The following EVC variants were observed in gnomAD, a reference collection of about 807,000 sequenced individuals.
EVC encodes the protein EvC ciliary complex subunit 1.
In EVC, 116 loss-of-function variants were observed where a neutral mutation model predicts 118.9. That is an observed-to-expected ratio of 0.98 (90% confidence interval 0.84 to 1.14). The LOEUF (loss-of-function observed/expected upper bound fraction) is 1.14. Ranked by LOEUF, EVC falls within the 50% of genes most tolerant of loss-of-function variation. EVC has a pLI of 0.00. For missense variants in EVC, 1,401 were observed against 1,246.4 expected (o/e 1.12, Z -1.87); for synonymous variants, 619 against 534.7 (o/e 1.16, Z -2.18).
At position 5,766,300 on chromosome 4, in the gene EVC, T is replaced by A. The variant is rs1432600191; in HGVS notation, c.1563+9938T>A. On this transcript the variant is annotated intron_variant, in intron 11 of 20. Transcript: ENST00000264956. ...TGTTAGTCTGATGGGCTTCCCTTTG[T>A]GGGTAACCCGACCTTTCTCTCTGGC... 3.3e-5 allele frequency among the ~76,000 whole-genome samples: 5 copies of A among 151,646 alleles called. 1 individual carries two copies. Among genetic ancestry groups the A allele is most frequent in the South Asian group, 2.1e-4 (1 of 4,776 alleles).
downstream of EVC, among the ~76,000 whole-genome samples, chr4:5,817,076 G>A (rs370217396): frequency 4.3e-4 from 66 of 152,340 alleles, no homozygotes; most frequent in Middle Eastern, 3.4e-3. Context: ...TCACAGGGCC[G>A]CCTGGCCCAG....
At chr4:5,822,110 G>A in the EVC span, among the ~76,000 whole-genome samples, 6 of 152,230 alleles carry the variant, frequency 3.9e-5, no homozygotes, top group African/African-American at 1.4e-4. Context: ...AGTAAAATCC[G>A]ACATTCCTGA....
chr4:5,777,266 A>G (rs564942685), intron 11 of EVC, among the ~76,000 whole-genome samples: 2 of 152,302 alleles, frequency 1.3e-5, no homozygotes, highest in South Asian at 4.1e-4. Context: ...GGCAATCTAA[A>G]TAACTTGACT....
At chr4:5,823,941 C>T in the EVC span, among the ~76,000 whole-genome samples, 1 of 152,198 alleles carries the variant, frequency 6.6e-6, no homozygotes, top group East Asian at 1.9e-4. Flanking sequence ...TGTTGGAAAG[C>T]ATCTGTGTTG....
rs1348959235 is a variant in EVC at position 5,729,403 on chromosome 4, A to G, written c.384+13A>G. Reference sequence around the variant, plus strand: ...TCAGAAGTTCCGGGTGAGAGTCCTGAGCTCCATCATAGAAAGCCAGTTACT... The same window carrying G: ...TCAGAAGTTCCGGGTGAGAGTCCTGGGCTCCATCATAGAAAGCCAGTTACT... On this transcript the variant is annotated intron_variant, in intron 3 of 20. Coordinates refer to ENST00000264956, the MANE Select transcript of EVC (RefSeq NM_153717.3). 1.9e-6 allele frequency: 3 copies of G among 1,613,052 alleles called. No homozygotes were observed. The highest frequency in any genetic ancestry group is 3.3e-5 in the Admixed American group (2 of 60,004).
intron 11 of EVC, among the ~76,000 whole-genome samples, chr4:5,777,857 C>CT (rs999285197): frequency 4.6e-4 from 65 of 141,576 alleles, no homozygotes; most frequent in African/African-American, 1.7e-3. Context: ...TGTTATTATA[C>CT]TTTAAGTTTT....
chr4:5,793,523 A>C, intron 12 of EVC, 85 bp from the exon 13 acceptor site: 1 of 1,185,280 alleles, frequency 8.4e-7, no homozygotes, highest in Non-Finnish European at 1.2e-6. Flanking sequence ...GCACACAAAC[A>C]AGAAACAAAA....
In EVC at chr4:5,716,586, T is replaced by C. The variant is rs1577315956; in HGVS notation, c.175-2662T>C. On this transcript the variant is annotated intron_variant, in intron 1 of 20. Coordinates refer to ENST00000264956, the MANE Select transcript of EVC (RefSeq NM_153717.3). ...TCAGAGTGGATCCATTGGATGGGGG[T>C]CCAGGTTTCTGAAAAACAACTCAGG... 2.0e-5 allele frequency among the ~76,000 whole-genome samples: 3 copies of C among 152,062 alleles called. No individual in the cohort carries two copies. The South Asian group carries it at 6.3e-4, about 32-fold the overall frequency.
At chr4:5,735,823 G>C (rs931297649) in intron 5 of EVC, among the ~76,000 whole-genome samples, 16 of 152,162 alleles carry the variant, frequency 1.1e-4, no homozygotes, top group Admixed American at 6.5e-4. Context: ...TGTGTTGCAT[G>C]TGTGATTGGC....
intron 12 of EVC, among the ~76,000 whole-genome samples, chr4:5,786,616 A>T (rs567306438): frequency 6.6e-6 from 1 of 152,186 alleles, no homozygotes; most frequent in African/African-American, 2.4e-5. Flanking sequence ...GCTCACGCCT[A>T]TAATCCCAGC....
At position 5,806,087 on chromosome 4, in the gene EVC, T is replaced by C. The variant is rs569990314; in HGVS notation, c.2561+1246T>C. ...TCTGTTGTCCATCCTTCCACTCTCT[T>C]TTTTTTTTTTGAGACAGAGTCTTGC... On this transcript the variant is annotated intron_variant, in intron 17 of 20. Transcript: ENST00000264956. Among the ~76,000 whole-genome samples, 20 of 148,334 alleles carry C rather than the reference T, an allele frequency of 1.3e-4. No individual in the cohort carries two copies. In the South Asian group the frequency reaches 2.4e-3, roughly 17 times the overall value.
At chr4:5,801,549 G>A (rs1021433370) in intron 15 of EVC, among the ~76,000 whole-genome samples, 2 of 152,016 alleles carry the variant, frequency 1.3e-5, no homozygotes, top group Non-Finnish European at 2.9e-5. Context: ...GCCTGGTGGT[G>A]CTTGCCTATA....
intron 12 of EVC, among the ~76,000 whole-genome samples, chr4:5,793,076 A>G (rs1043510629): frequency 6.6e-6 from 1 of 152,208 alleles, no homozygotes; most frequent in Non-Finnish European, 1.5e-5. Flanking sequence ...AAAGCAACCA[A>G]GAATAGCTCA....
In EVC at chr4:5,745,292, C is replaced by A; in HGVS notation, c.890C>A (p.Ala297Asp). 3.1e-6 allele frequency: 5 copies of A among 1,613,720 alleles called. No individual in the cohort carries two copies. The highest frequency in any genetic ancestry group is 4.2e-6 in the Non-Finnish European group (5 of 1,179,734). Residue 297 changes from alanine (A) to aspartate (D), a missense_variant, in exon 7 of 21, where the codon GCT becomes GAT. Ala to Asp is a moderately radical substitution (Grantham distance 126, BLOSUM62 -2). Transcript: ENST00000264956. ...GGTGACTCTGAGTACATCACCCTGGCTGATGTGGAAAAGAAGGAGAGAGAA... is the reference window on the plus strand; with the variant it reads ...GGTGACTCTGAGTACATCACCCTGGATGATGTGGAAAAGAAGGAGAGAGAA... ...GAGDSEYITL[A>D]DVEKKEREYS...
At position 5,809,531 on chromosome 4, in the gene EVC, A is replaced by T. The variant is rs939003422; in HGVS notation, c.2702A>T (p.Asn901Ile). 1 of 1,614,140 alleles carries T rather than the reference A, an allele frequency of 6.2e-7. No homozygotes were observed. Among genetic ancestry groups the T allele is most frequent in the Admixed American group, 1.7e-5 (1 of 60,010 alleles). ...LETQLQEAEQNFISELAALAR... is the reference protein window; with the variant it reads ...LETQLQEAEQIFISELAALAR... Reference sequence around the variant, plus strand: ...CTTGCATTTCAGGAAGCTGAACAGAACTTCATCTCCGAGCTGGCAGCCTTG... The same window carrying T: ...CTTGCATTTCAGGAAGCTGAACAGATCTTCATCTCCGAGCTGGCAGCCTTG... Residue 901 changes from asparagine to isoleucine, a missense_variant, in exon 19 of 21, where the codon AAC (asparagine) becomes ATC (isoleucine). Coordinates refer to ENST00000264956, the MANE Select transcript of EVC (RefSeq NM_153717.3).
chr4:5,811,035 T>C lies in EVC; in HGVS notation c.2977T>C (p.Ter993GlnextTer10), dbSNP rs1222257047. Residue 993 changes from the stop codon to glutamine (Q), a stop_lost, in exon 21 of 21, where the codon TAG (stop) becomes CAG (glutamine). Coordinates refer to ENST00000264956, the MANE Select transcript of EVC (RefSeq NM_153717.3). ...KKMLKRRSNL[*>Q] ...GATGCTAAAGAGAAGAAGCAACTTGTAGTTTAAGACCAGTCGGTGGGACAA... is the reference window on the plus strand; with the variant it reads ...GATGCTAAAGAGAAGAAGCAACTTGCAGTTTAAGACCAGTCGGTGGGACAA... The C allele has an allele frequency of 4.3e-6, 7 of 1,610,404 alleles. No individual in the cohort carries two copies. The highest frequency in any genetic ancestry group is 2.2e-5 in the East Asian group (1 of 44,688).
intron 7 of EVC, among the ~76,000 whole-genome samples, chr4:5,747,898 T>G (rs1398992272): frequency 1.3e-5 from 2 of 152,174 alleles, no homozygotes; most frequent in Non-Finnish European, 2.9e-5. Flanking sequence ...CTTTCTTTCC[T>G]TAGCAGCAGT....
At chr4:5,818,272 C>A (rs1188955806), downstream of EVC, among the ~76,000 whole-genome samples, 1 of 152,188 alleles carries the variant, frequency 6.6e-6, no homozygotes, top group East Asian at 1.9e-4. Context: ...CATTAAACCT[C>A]TTTTTCTTTA....
At chr4:5,760,450 C>A (rs564497156) in intron 11 of EVC, among the ~76,000 whole-genome samples, 1 of 152,062 alleles carries the variant, frequency 6.6e-6, no homozygotes, top group East Asian at 1.9e-4. Context: ...GCTGGAGTCT[C>A]TCTCCTAGGA....
Sources: allele counts gnomAD v4.1 joint callset (sites outside exome capture counted in the v4.1 genomes callset), GRCh38; gene constraint gnomAD v4.1.1; transcripts MANE v1.5; gene names NCBI Gene and HGNC (gene_info 2026-07-23, HGNC 2026-07-21).